The following SDK1 variants were observed in gnomAD, a reference collection of about 807,000 sequenced individuals.
The protein encoded by SDK1 is protein sidekick-1.
Under a neutral mutation model 245.5 loss-of-function variants are expected in SDK1, and 157 were observed. That is an observed-to-expected ratio of 0.64 (90% CI 0.56 to 0.73). The LOEUF (loss-of-function observed/expected upper bound fraction) is 0.73, where lower values mean the gene tolerates loss of function less well. Ranked by LOEUF, SDK1 falls within the 30% of genes least tolerant of loss-of-function variation. The pLI is 0.00. For missense variants in SDK1, 3,583 were observed against 3,002.3 expected, an observed-to-expected ratio of 1.19 and a Z score of -4.52; for synonymous variants, 1,647 against 1,278.5, an observed-to-expected ratio of 1.29 and a Z score of -6.15.
chr7:3,829,744 G>A (rs1251746764), intron 5 of SDK1, among the ~76,000 whole-genome samples: 1 of 152,154 alleles, frequency 6.6e-6, no homozygotes, highest in Non-Finnish European at 1.5e-5. Context: ...GACCTCAGAG[G>A]AGCTTGGTTT....
Position 4,218,891 on chromosome 7 carries a change from G to GT in SDK1, c.5540-1207dup, listed in dbSNP as rs796089562. ...CCAGCAGTTGAGAACTTATCTAACTGTTTTTTTTTTTAATGCATCATTTTC... is the reference window on the plus strand; with the variant it reads ...CCAGCAGTTGAGAACTTATCTAACTGTTTTTTTTTTTTAATGCATCATTTTC... On this transcript the variant is annotated intron_variant, in intron 38 of 44. Coordinates refer to ENST00000404826, the MANE Select transcript of SDK1 (RefSeq NM_152744.4). Among the ~76,000 whole-genome samples the GT allele has an allele frequency of 2.9e-3, 420 of 145,514 alleles. 4 individuals carry two copies. Among genetic ancestry groups the GT allele is most frequent in the African/African-American group, 4.8e-3 (190 of 39,898 alleles).
intron 1 of SDK1, among the ~76,000 whole-genome samples, chr7:3,601,522 ATTC>A (rs1330083863): frequency 6.6e-6 from 1 of 151,806 alleles, no homozygotes; most frequent in African/African-American, 2.4e-5. Flanking sequence ...TGTTCATAGT[ATTC>A]TTTTTTTAAT....
At chr7:4,229,994 A>T (rs1319529252) in intron 40 of SDK1, among the ~76,000 whole-genome samples, 1 of 145,678 alleles carries the variant, frequency 6.9e-6, no homozygotes, top group Non-Finnish European at 1.5e-5. Flanking sequence ...GGAAGGAAGA[A>T]TGGATGGATA....
At chr7:4,018,247 C>A (rs1356526150) in intron 17 of SDK1, among the ~76,000 whole-genome samples, 1 of 152,230 alleles carries the variant, frequency 6.6e-6, no homozygotes, top group African/African-American at 2.4e-5. Flanking sequence ...GCTACCAGAC[C>A]TTGACCTTTT....
intron 1 of SDK1, among the ~76,000 whole-genome samples, chr7:3,358,233 G>T (rs1181981389): frequency 1.3e-5 from 2 of 152,094 alleles, no homozygotes; most frequent in Non-Finnish European, 2.9e-5. Context: ...TGTTGGCCAG[G>T]TTGGTTTTGA....
chr7:4,032,368 C>G (rs1787882770), intron 17 of SDK1, among the ~76,000 whole-genome samples: 1 of 152,174 alleles, frequency 6.6e-6, no homozygotes, highest in Non-Finnish European at 1.5e-5. Context: ...GCATGTACCT[C>G]AAGCTCTCAA....
At chr7:3,816,848 T>C (rs568407510) in intron 4 of SDK1, among the ~76,000 whole-genome samples, 10 of 152,268 alleles carry the variant, frequency 6.6e-5, no homozygotes, top group African/African-American at 2.2e-4. Flanking sequence ...ATGGAGAATA[T>C]TTTGAAGTGG....
intron 4 of SDK1, among the ~76,000 whole-genome samples, chr7:3,674,536 G>C (rs1238146954): frequency 6.6e-6 from 1 of 152,192 alleles, no homozygotes; most frequent in Non-Finnish European, 1.5e-5. Flanking sequence ...TTTTGGTTTG[G>C]TGAGGGATGT....
rs1784844114 is a variant in SDK1 at position 3,705,008 on chromosome 7, C to G, written c.713+62903C>G. ...AGATCAGTTGATTTTAAGTATTTGG[C>G]TTTATTTCTAGGCTCTCTACTCTGT... On this transcript the variant is annotated intron_variant, in intron 4 of 44. Coordinates refer to ENST00000404826, the MANE Select transcript of SDK1 (RefSeq NM_152744.4). 1.2e-4 allele frequency among the ~76,000 whole-genome samples: 18 copies of G among 152,130 alleles called. 1 individual carries two copies. The highest frequency in any genetic ancestry group is 1.2e-3 in the Admixed American group (18 of 15,266).
chr7:4,167,413 AAAC>A lies in SDK1; in HGVS notation c.4800+5565_4800+5567del, dbSNP rs895890653. Among the ~76,000 whole-genome samples the A allele has an allele frequency of 9.6e-5, 13 of 134,794 alleles. 1 individual carries two copies. Among genetic ancestry groups the A allele is most frequent in the African/African-American group, 4.6e-4 (13 of 28,392 alleles). The allele number at this position is 134,794 out of a possible 152,430, so 88.4% of individuals were successfully genotyped here. On this transcript the variant is annotated intron_variant, in intron 32 of 44. Transcript: ENST00000404826. ...CAAGACTCCGTCTTGAAAAAAACAA[AAAC>A]AACAACAGCAACAAAAAAACGGGCT... is the stretch of plus-strand genomic sequence containing the variant.
chr7:3,817,543 AC>A (rs1376738714), intron 4 of SDK1, among the ~76,000 whole-genome samples: 1 of 152,196 alleles, frequency 6.6e-6, no homozygotes, highest in East Asian at 1.9e-4. Context: ...GTTTTCACCA[AC>A]CATAAATCCT....
At chr7:3,514,887 C>G (rs1054424613) in intron 1 of SDK1, among the ~76,000 whole-genome samples, 1 of 152,204 alleles carries the variant, frequency 6.6e-6, no homozygotes, top group African/African-American at 2.4e-5. Flanking sequence ...CGTGCGCTCT[C>G]TCTCTCTTTC....
chr7:4,215,723 G>C (rs1440465286), intron 38 of SDK1, among the ~76,000 whole-genome samples: 1 of 152,190 alleles, frequency 6.6e-6, no homozygotes, highest in Non-Finnish European at 1.5e-5. Context: ...AGCCGTGCAT[G>C]AGAGAGGTAC....
chr7:3,781,969 G>T (rs1780759079), intron 4 of SDK1, among the ~76,000 whole-genome samples: 1 of 152,172 alleles, frequency 6.6e-6, no homozygotes, highest in Non-Finnish European at 1.5e-5. Context: ...AAGGACAGCA[G>T]AGAGAAAAAA....
At chr7:3,703,060 CAAA>C (rs34926857) in intron 4 of SDK1, among the ~76,000 whole-genome samples, 3,245 of 87,592 alleles carry the variant, frequency 0.037, 120 homozygotes, top group African/African-American at 0.097. Flanking sequence ...GACTCTGTCT[CAAA>C]AAAAAAAAAA....
intron 1 of SDK1, among the ~76,000 whole-genome samples, chr7:3,472,089 C>A (rs573119057): frequency 6.6e-6 from 1 of 152,238 alleles, no homozygotes; most frequent in South Asian, 2.1e-4. Context: ...CAGGTCCTTT[C>A]TTATCCTTTA....
At chr7:4,049,245 T>C (rs1789256590) in intron 17 of SDK1, 103 bp from the exon 18 acceptor site, 1 of 783,868 alleles carries the variant, frequency 1.3e-6, no homozygotes. Context: ...GTGCAATAAT[T>C]GCCTGTGAGC....
chr7:3,684,381 G>C (rs959231526), intron 4 of SDK1, among the ~76,000 whole-genome samples: 4 of 152,312 alleles, frequency 2.6e-5, no homozygotes, highest in East Asian at 3.9e-4. Flanking sequence ...GCATACTGAA[G>C]CTCACCCCTC....
intron 1 of SDK1, among the ~76,000 whole-genome samples, chr7:3,352,082 T>G (rs1444468706): frequency 2.0e-5 from 3 of 150,782 alleles, no homozygotes; most frequent in East Asian, 3.9e-4. Flanking sequence ...AATCCTTGTA[T>G]GTCAATAAAT....
Sources: gnomAD v4.1 joint callset for allele counts (sites outside exome capture counted in the v4.1 genomes callset) on GRCh38, gnomAD v4.1.1 for gene constraint, MANE v1.5 for transcripts, NCBI Gene and HGNC (gene_info 2026-07-23, HGNC 2026-07-21) for gene names.